The following HIVEP1 variants were observed in gnomAD, a reference collection of about 807,000 sequenced individuals.
The protein encoded by HIVEP1 is zinc finger protein 40.
Under a neutral mutation model 180.0 loss-of-function variants are expected in HIVEP1, and 36 were observed. The ratio of observed to expected loss-of-function variants is 0.20; its 90% CI spans 0.15 to 0.26. The LOEUF is 0.26. Ranked by LOEUF, HIVEP1 falls within the 10% of genes least tolerant of loss-of-function variation. The pLI is 1.00. For synonymous variants in HIVEP1, 1,239 were observed against 1,239.0 expected (o/e 1.00, Z 0.00); for missense variants, 3,143 against 3,268.7 (o/e 0.96, Z 0.94).
chr6:12,125,102 T>G lies in HIVEP1; in HGVS notation c.5307T>G (p.Asn1769Lys). 6.2e-7 allele frequency: 1 copy of G among 1,613,564 alleles called. No homozygotes were observed. The highest frequency in any genetic ancestry group is 8.5e-7 in the Non-Finnish European group (1 of 1,179,862). Residue 1769 changes from asparagine to lysine, a missense_variant, in exon 4 of 9, where the codon AAT (asparagine) becomes AAG (lysine). Coordinates refer to ENST00000379388, the MANE Select transcript of HIVEP1 (RefSeq NM_002114.4). ...ACCAGAAGCGGGCCAAAGATGAAAA[T>G]GGAGCTGTTTGTGCAACAGACGTGA... The part of the protein sequence containing the change: ...EKHQKRAKDE[N>K]GAVCATDVRP...
At chr6:12,211,331 C>T in the HIVEP1 span, among the ~76,000 whole-genome samples, 2 of 100,860 alleles carry the variant, frequency 2.0e-5, no homozygotes, top group South Asian at 3.2e-4. Flanking sequence ...ACCCGGGAGG[C>T]GGAGCTTGCA....
At chr6:12,211,200 C>A in the HIVEP1 span, among the ~76,000 whole-genome samples, 1 of 131,398 alleles carries the variant, frequency 7.6e-6, no homozygotes, top group Non-Finnish European at 1.6e-5. Flanking sequence ...GAGATTGAGA[C>A]CATCCTGGCT....
chr6:12,143,082 A>G (rs1554153398), intron 7 of HIVEP1, among the ~76,000 whole-genome samples: 1 of 152,234 alleles, frequency 6.6e-6, no homozygotes, highest in Non-Finnish European at 1.5e-5. Flanking sequence ...ACATAACAAA[A>G]AAAAGAGAAT....
chr6:12,146,391 C>T (rs1450495317), intron 7 of HIVEP1, among the ~76,000 whole-genome samples: 2 of 152,068 alleles, frequency 1.3e-5, no homozygotes, highest in African/African-American at 2.4e-5. Context: ...TGCGGTGAGC[C>T]GAGATGGTGC....
intron 2 of HIVEP1, among the ~76,000 whole-genome samples, chr6:12,021,301 C>T (rs1768188124): frequency 6.6e-6 from 1 of 152,236 alleles, no homozygotes; most frequent in Non-Finnish European, 1.5e-5. Flanking sequence ...GCATCTTGTG[C>T]ATAGCCATTT....
chr6:12,052,542 C>G (rs894370012), intron 2 of HIVEP1, among the ~76,000 whole-genome samples: 2 of 152,170 alleles, frequency 1.3e-5, no homozygotes, highest in Non-Finnish European at 2.9e-5. Context: ...AGTATCTACT[C>G]TGTGTCTGGT....
chr6:12,102,874 A>C (rs1183051988), intron 3 of HIVEP1, among the ~76,000 whole-genome samples: 1 of 152,216 alleles, frequency 6.6e-6, no homozygotes, highest in East Asian at 1.9e-4. Context: ...TCAGTTCTTA[A>C]GTACATACTT....
At chr6:12,142,050 G>T (rs891438662) in intron 7 of HIVEP1, among the ~76,000 whole-genome samples, 2 of 152,164 alleles carry the variant, frequency 1.3e-5, no homozygotes, top group South Asian at 4.1e-4. Flanking sequence ...GACATCTACA[G>T]AACTCTCCAC....
intron 2 of HIVEP1, 78 bp downstream of exon 2, chr6:12,015,746 CG>C (rs1240464570): frequency 7.5e-7 from 1 of 1,336,986 alleles, no homozygotes; most frequent in African/African-American, 1.5e-5. Flanking sequence ...CAGGAATGGC[CG>C]TTTGTTAGAT....
chr6:12,089,123 TTACTG>T (rs1773292746), intron 2 of HIVEP1, 56 bp from the exon 3 acceptor site: 1 of 905,998 alleles, frequency 1.1e-6, no homozygotes, highest in East Asian at 2.5e-5. Context: ...TATGTTTGCT[TTACTG>T]TACTCTTATT....
At chr6:12,112,963 C>G (rs1213731270) in intron 3 of HIVEP1, among the ~76,000 whole-genome samples, 1 of 152,098 alleles carries the variant, frequency 6.6e-6, no homozygotes, top group East Asian at 1.9e-4. Context: ...ACATCTGCTG[C>G]CCTTTCCCTA....
At chr6:12,051,896 G>C (rs900964166) in intron 2 of HIVEP1, among the ~76,000 whole-genome samples, 20 of 152,084 alleles carry the variant, frequency 1.3e-4, no homozygotes, top group Non-Finnish European at 2.5e-4. Context: ...GTGGCTTTCT[G>C]AAAAATTATT....
intron 2 of HIVEP1, among the ~76,000 whole-genome samples, chr6:12,055,064 A>C (rs1770770575): frequency 6.6e-6 from 1 of 152,260 alleles, no homozygotes; most frequent in Admixed American, 6.5e-5. Flanking sequence ...GGAAAGTATA[A>C]TACTAAGTAA....
chr6:12,108,248 T>C (rs1774592252), intron 3 of HIVEP1, among the ~76,000 whole-genome samples: 2 of 152,102 alleles, frequency 1.3e-5, no homozygotes, highest in African/African-American at 2.4e-5. Context: ...AGAGTGCCGA[T>C]TGGTGTATTT....
At chr6:12,041,057 CTGTT>C (rs943102737) in intron 2 of HIVEP1, among the ~76,000 whole-genome samples, 4 of 152,178 alleles carry the variant, frequency 2.6e-5, no homozygotes, top group African/African-American at 9.6e-5. Flanking sequence ...ATCAGTCGGT[CTGTT>C]TGTCTCTTTT....
At chr6:12,135,569 C>T (rs941883464) in intron 6 of HIVEP1, among the ~76,000 whole-genome samples, 1 of 152,102 alleles carries the variant, frequency 6.6e-6, no homozygotes. Context: ...GAGATGTTAT[C>T]AAAGTAGAGG....
chr6:12,064,191 A>G (rs1002903579), intron 2 of HIVEP1, among the ~76,000 whole-genome samples: 7 of 152,118 alleles, frequency 4.6e-5, no homozygotes, highest in African/African-American at 1.7e-4. Context: ...TTGAGTCACA[A>G]TTTTGAAGTT....
At chr6:12,009,282 G>A (rs1263105920), upstream of HIVEP1, among the ~76,000 whole-genome samples, 2 of 151,236 alleles carry the variant, frequency 1.3e-5, no homozygotes, top group African/African-American at 4.8e-5. Flanking sequence ...GGTGGCGCGG[G>A]GCCCAGTGGA....
the HIVEP1 span, among the ~76,000 whole-genome samples, chr6:12,185,761 A>G: frequency 6.6e-6 from 1 of 152,220 alleles, no homozygotes; most frequent in Non-Finnish European, 1.5e-5. Context: ...CTATACACCC[A>G]TTGGAGTGGC....
Sources: allele counts gnomAD v4.1 joint callset (sites outside exome capture counted in the v4.1 genomes callset), GRCh38; gene constraint gnomAD v4.1.1; transcripts MANE v1.5; gene names NCBI Gene and HGNC (gene_info 2026-07-23, HGNC 2026-07-21).